KLRG2: variants seen among roughly 807,000 people sequenced by gnomAD.
KLRG2 encodes killer cell lectin like receptor G2.
Under a neutral mutation model 35.4 loss-of-function variants are expected in KLRG2, and 39 were observed. That is an observed-to-expected ratio of 1.10 (90% CI 0.85 to 1.44). KLRG2 has a LOEUF of 1.44. Among genes scored for constraint, KLRG2 ranks in the 40% most tolerant of loss-of-function variants. The pLI, the probability that KLRG2 is intolerant of heterozygous loss-of-function variation, is 0.00. For missense variants in KLRG2, 632 were observed against 570.9 expected (o/e 1.11, Z -1.09); for synonymous variants, 283 against 265.8 (o/e 1.06, Z -0.63).
At chr7:139,469,843 G>A (rs58374810) in intron 3 of KLRG2, among the ~76,000 whole-genome samples, 2,499 of 152,314 alleles carry the variant, frequency 0.016, 69 homozygotes, top group African/African-American at 0.057. Flanking sequence ...CCTGAGGCCC[G>A]GCCATGCGTT....
At chr7:139,477,047 C>T (rs941492205) in intron 3 of KLRG2, among the ~76,000 whole-genome samples, 6 of 152,140 alleles carry the variant, frequency 3.9e-5, no homozygotes, top group Non-Finnish European at 8.8e-5. Context: ...AGGAGTGCTG[C>T]GTTTTCATAC....
chr7:139,451,292 G>A (rs1010771915), downstream of KLRG2, among the ~76,000 whole-genome samples: 3 of 152,208 alleles, frequency 2.0e-5, no homozygotes, highest in African/African-American at 4.8e-5. Flanking sequence ...CTGAGGTCAG[G>A]AGTTCGAGAC....
Position 139,454,209 on chromosome 7 carries a change from G to T in KLRG2, c.1011C>A (p.Phe337Leu). 6.7e-7 allele frequency: 1 copy of T among 1,501,280 alleles called. No individual in the cohort carries two copies. The allele number at this position is 1,501,280 out of a possible 1,614,324, so 93.0% of individuals were successfully genotyped here. Residue 337 changes from phenylalanine to leucine, a missense_variant, in exon 4 of 5, where the codon TTC becomes TTA. By Grantham distance (22) the Phe-to-Leu change is conservative (BLOSUM62 0). Transcript: ENST00000340940. ...GCCTGGAGACTGGGTATCTGCCCAG[G>T]AAGTCCTGAGGGAGAAAAGTAAGCT... is the stretch of plus-strand genomic sequence containing the variant. ...TLPLLSHTQD[F>L]LGRYPVSRHS...
chr7:139,463,975 C>A (rs936279332), intron 3 of KLRG2, among the ~76,000 whole-genome samples: 1 of 152,312 alleles, frequency 6.6e-6, no homozygotes, highest in Non-Finnish European at 1.5e-5. Context: ...AACTCCCCAA[C>A]TCTGATGCTA....
intron 1 of KLRG2, among the ~76,000 whole-genome samples, chr7:139,481,731 C>T (rs931174045): frequency 2.6e-5 from 4 of 152,106 alleles, no homozygotes; most frequent in African/African-American, 9.7e-5. Flanking sequence ...CCAGACCAGC[C>T]TGGCCAACAT....
chr7:139,453,727 GA>G lies in KLRG2; in HGVS notation c.1110-21del. The G allele has an allele frequency of 6.2e-7, 1 of 1,613,738 alleles. No homozygotes were observed. The highest frequency in any genetic ancestry group is 1.3e-5 in the African/African-American group (1 of 75,048). ...GGGAGTCTGGGAAAGGATGGGAGGG[GA>G]AAGAGGAGAGGTGTTTAGGGTGCCG... On this transcript the variant is annotated intron_variant, in intron 4 of 4. Coordinates refer to ENST00000340940, the MANE Select transcript of KLRG2 (RefSeq NM_198508.4).
chr7:139,482,424 C>G (rs1214753661), intron 1 of KLRG2, among the ~76,000 whole-genome samples: 1 of 151,724 alleles, frequency 6.6e-6, no homozygotes, highest in African/African-American at 2.4e-5. Context: ...CGGAGTTTCT[C>G]TCTTGTTGCC....
chr7:139,428,537 G>C, the KLRG2 span, among the ~76,000 whole-genome samples: 1 of 152,078 alleles, frequency 6.6e-6, no homozygotes, highest in African/African-American at 2.4e-5. Flanking sequence ...GGGAGTATAG[G>C]TATGAGCTAC....
the KLRG2 span, among the ~76,000 whole-genome samples, chr7:139,436,476 C>A: frequency 1.3e-5 from 2 of 152,110 alleles, no homozygotes; most frequent in African/African-American, 4.8e-5. Context: ...TTCCTTGGGA[C>A]TAGTTTCTAG....
At chr7:139,472,141 A>G (rs67371091) in intron 3 of KLRG2, among the ~76,000 whole-genome samples, 12,096 of 152,228 alleles carry the variant, frequency 0.079, 549 homozygotes, top group Middle Eastern at 0.17. Flanking sequence ...GTGGGGCAGA[A>G]TAACTTTGAT....
At chr7:139,451,185 T>C (rs111692424), downstream of KLRG2, among the ~76,000 whole-genome samples, 23 of 152,280 alleles carry the variant, frequency 1.5e-4, 1 homozygote, top group African/African-American at 4.3e-4. Flanking sequence ...CAAATAGTTG[T>C]TGCTAAGTTT....
the KLRG2 span, among the ~76,000 whole-genome samples, chr7:139,438,677 A>ATTTTTTTTT: frequency 0.014 from 2,044 of 142,648 alleles, 20 homozygotes; most frequent in South Asian, 0.042. Context: ...CATTTTGGCA[A>ATTTTTTTTT]TTTTTTTTTT....
rs140504171 is a variant in KLRG2 at position 139,453,694 on chromosome 7, C to T, written c.1123G>A (p.Gly375Ser). The change falls in exon 5 of 5, where the codon GGC becomes AGC. Residue 375 changes from glycine to serine, a missense_variant. Coordinates refer to ENST00000340940, the MANE Select transcript of KLRG2 (RefSeq NM_198508.4). ...CAGTTGATATCCAGATTGTCCTCGC[C>T]GTCCTCAGGGAGTCTGGGAAAGGAT... Reference protein sequence around the residue: ...PLPPQLLPEDGEDNLDINCGA... With the variant: ...PLPPQLLPEDSEDNLDINCGA... 100 of 1,614,060 alleles carry T rather than the reference C, an allele frequency of 6.2e-5. No homozygotes were observed. In the African/African-American group the frequency reaches 8.4e-4, roughly 14 times the overall value.
rs368239756 is a variant in KLRG2 at position 139,482,196 on chromosome 7, G to C, written c.757+690C>G. Among the ~76,000 whole-genome samples, 16 of 152,338 alleles carry C rather than the reference G, an allele frequency of 1.1e-4. No individual in the cohort carries two copies. In the East Asian group the frequency reaches 2.9e-3, roughly 28 times the overall value. ...TCCTCAGTGTGGTGGAAAGAAAGCA[G>C]CAGCCTGGACCTTCCAGAAAGTCCT... On this transcript the variant is annotated intron_variant, in intron 1 of 4. Transcript: ENST00000340940.
At chr7:139,456,109 G>C (rs962621248) in intron 3 of KLRG2, among the ~76,000 whole-genome samples, 1 of 152,102 alleles carries the variant, frequency 6.6e-6, no homozygotes, top group African/African-American at 2.4e-5. Flanking sequence ...GTTAGGAGCA[G>C]AGCGGTATAA....
chr7:139,461,558 G>T (rs933449548), intron 3 of KLRG2, among the ~76,000 whole-genome samples: 1 of 152,104 alleles, frequency 6.6e-6, no homozygotes, highest in African/African-American at 2.4e-5. Context: ...AATCACAAAA[G>T]AACTGAAAAT....
chr7:139,446,309 G>A, the KLRG2 span, among the ~76,000 whole-genome samples: 5 of 150,530 alleles, frequency 3.3e-5, no homozygotes, highest in African/African-American at 1.2e-4. Flanking sequence ...GGCTTGAGGG[G>A]AGAATCCATT....
chr7:139,457,911 T>C (rs917736875), intron 3 of KLRG2, among the ~76,000 whole-genome samples: 5 of 152,242 alleles, frequency 3.3e-5, no homozygotes, highest in Non-Finnish European at 7.3e-5. Context: ...AGGACTGCTC[T>C]GTGCAAAAGA....
chr7:139,428,862 GCTTA>G, the KLRG2 span, among the ~76,000 whole-genome samples: 58,167 of 151,908 alleles, frequency 0.38, 15,520 homozygotes, highest in African/African-American at 0.76. Context: ...GATGTCTGCA[GCTTA>G]CTTTTAAATA....
Sources: allele counts gnomAD v4.1 joint callset (sites outside exome capture counted in the v4.1 genomes callset), GRCh38; gene constraint gnomAD v4.1.1; transcripts MANE v1.5; gene names NCBI Gene and HGNC (gene_info 2026-07-23, HGNC 2026-07-21).